The following HECTD4 variants were observed in gnomAD, a reference collection of about 807,000 sequenced individuals.
The protein encoded by HECTD4 is HECT domain E3 ubiquitin protein ligase 4, also known as probable E3 ubiquitin-protein ligase HECTD4.
Under a neutral mutation model 471.5 loss-of-function variants are expected in HECTD4, and 114 were observed. The observed-to-expected ratio is 0.24, with a 90% CI of 0.21 to 0.28. The LOEUF is 0.28. HECTD4 is among the 10% of genes least tolerant of loss of function. HECTD4 has a pLI of 1.00. For synonymous variants in HECTD4, 2,012 were observed against 2,256.0 expected (o/e 0.89, Z 3.07); for missense variants, 3,866 against 5,651.5 (o/e 0.68, Z 10.13).
chr12:112,223,534 C>T (rs2033153956), intron 44 of HECTD4, among the ~76,000 whole-genome samples: 1 of 152,180 alleles, frequency 6.6e-6, no homozygotes, highest in South Asian at 2.1e-4. Flanking sequence ...ATTCTTATGC[C>T]TCAGCCTCCC....
At chr12:112,315,191 C>T (rs544006730) in intron 2 of HECTD4, among the ~76,000 whole-genome samples, 2 of 152,118 alleles carry the variant, frequency 1.3e-5, no homozygotes, top group Non-Finnish European at 2.9e-5. Context: ...TTTTAAGATG[C>T]ACAAGACTTA....
chr12:112,289,973 G>A (rs778572894), intron 7 of HECTD4, among the ~76,000 whole-genome samples: 7 of 151,674 alleles, frequency 4.6e-5, no homozygotes, highest in African/African-American at 1.5e-4. Flanking sequence ...CACCGCACTC[G>A]GCCTATTCTT....
chr12:112,227,057 A>G (rs981431948), intron 43 of HECTD4, among the ~76,000 whole-genome samples: 2 of 152,244 alleles, frequency 1.3e-5, no homozygotes, highest in African/African-American at 2.4e-5. Context: ...GTCTCTTAAA[A>G]GCTTTTCCTA....
At chr12:112,269,143 G>A (rs1227239235) in intron 13 of HECTD4, among the ~76,000 whole-genome samples, 2 of 152,046 alleles carry the variant, frequency 1.3e-5, no homozygotes, top group Non-Finnish European at 2.9e-5. Flanking sequence ...AAAGTGCTGG[G>A]ATTACAGGCG....
At position 112,238,940 on chromosome 12, in the gene HECTD4, A is replaced by T. The variant is rs944669095; in HGVS notation, c.5290+112T>A. ...ATCATCCACTGATTTAACCCATCTG[A>T]TCATGTCATTTAATAGAGGCTTTCT... On this transcript the variant is annotated intron_variant, in intron 34 of 75. Coordinates refer to ENST00000682272, the MANE Select transcript of HECTD4 (RefSeq NM_001388303.1). 6 of 1,042,384 alleles carry T rather than the reference A, an allele frequency of 5.8e-6. No homozygotes were observed. In the African/African-American group the frequency reaches 9.6e-5, roughly 17 times the overall value. 64.6% of individuals were successfully genotyped at this position (1,042,384 alleles called of 1,614,324 possible). A position where few individuals can be genotyped will look rare whatever the true frequency, so the allele number is the denominator to read the frequency against.
Position 112,166,038 on chromosome 12 carries a change from C to CAGAA in HECTD4, c.12534+1278_12534+1279insTTCT, listed in dbSNP as rs1398433299. The CAGAA allele has an allele frequency of 6.6e-6, 1 of 152,412 alleles. No individual in the cohort carries two copies. Among genetic ancestry groups the CAGAA allele is most frequent in the Non-Finnish European group, 1.5e-5 (1 of 68,186 alleles). The allele number at this position is 152,412 out of a possible 1,614,324, so 9.4% of individuals were successfully genotyped here. A position where few individuals can be genotyped will look rare whatever the true frequency, so the allele number is the denominator to read the frequency against. ...ACACCATGTGGTTCTGCATCCCATACCCTCTGGGGCCTTGGCCATCCCTGT... is the reference window on the plus strand; with the variant it reads ...ACACCATGTGGTTCTGCATCCCATACAGAACCTCTGGGGCCTTGGCCATCCCTGT... On this transcript the variant is annotated intron_variant, in intron 72 of 75. Coordinates refer to ENST00000682272, the MANE Select transcript of HECTD4 (RefSeq NM_001388303.1). The surrounding 1 kb of genome is among the most constrained non-coding windows in gnomAD (Gnocchi z 4.6).
In HECTD4 at chr12:112,239,001, C is replaced by G; in HGVS notation, c.5290+51G>C. On this transcript the variant is annotated intron_variant, in intron 34 of 75. Transcript: ENST00000682272. This position sits in a 1 kb window ranked among gnomAD's most constrained non-coding sequence, Gnocchi z 4.9. ...TAGCATAAAAAAACCAATAAACTAACACACCAATAGAAGAAATCAGTGAGC... is the reference window on the plus strand; with the variant it reads ...TAGCATAAAAAAACCAATAAACTAAGACACCAATAGAAGAAATCAGTGAGC... 6.6e-7 allele frequency: 1 copy of G among 1,510,284 alleles called. No homozygotes were observed. Among genetic ancestry groups the G allele is most frequent in the East Asian group, 2.3e-5 (1 of 42,986 alleles). The allele number at this position is 1,510,284 out of a possible 1,614,324, so 93.6% of individuals were successfully genotyped here. A position where few individuals can be genotyped will look rare whatever the true frequency, so the allele number is the denominator to read the frequency against.
At chr12:112,379,017 G>A (rs1031815401) in intron 1 of HECTD4, among the ~76,000 whole-genome samples, 37 of 152,222 alleles carry the variant, frequency 2.4e-4, no homozygotes, top group African/African-American at 8.9e-4. Flanking sequence ...ACTCCAGCCT[G>A]GGCGACAGAG....
chr12:112,298,839 A>G (rs1382855450), intron 7 of HECTD4, among the ~76,000 whole-genome samples: 1 of 149,652 alleles, frequency 6.7e-6, no homozygotes, highest in African/African-American at 2.5e-5. Flanking sequence ...CCGAGATCAC[A>G]CCACTGCACT....
chr12:112,344,425 A>G (rs776047693), intron 1 of HECTD4, among the ~76,000 whole-genome samples: 12 of 152,324 alleles, frequency 7.9e-5, no homozygotes, highest in African/African-American at 1.2e-4. Flanking sequence ...CCGCCACACT[A>G]TAAGAAACTA....
rs2030729446 is a variant in HECTD4 at position 112,162,542 on chromosome 12, G to T, written c.13121-19C>A. 1 of 1,613,846 alleles carries T rather than the reference G, an allele frequency of 6.2e-7. No individual in the cohort carries two copies. The highest frequency in any genetic ancestry group is 1.3e-5 in the African/African-American group (1 of 75,056). On this transcript the variant is annotated intron_variant, in intron 75 of 75. Coordinates refer to ENST00000682272, the MANE Select transcript of HECTD4 (RefSeq NM_001388303.1). This position sits in a 1 kb window ranked among gnomAD's most constrained non-coding sequence, Gnocchi z 5.2. ...GGGGAACCTACAAGAAACCGAGCCAGCATCAGAGGGTTGGGCCCACATCTG... is the reference window on the plus strand; with the variant it reads ...GGGGAACCTACAAGAAACCGAGCCATCATCAGAGGGTTGGGCCCACATCTG...
chr12:112,187,622 C>CTTTT (rs150976845), intron 60 of HECTD4, among the ~76,000 whole-genome samples: 15 of 85,962 alleles, frequency 1.7e-4, no homozygotes, highest in East Asian at 3.8e-4. Flanking sequence ...GTTTCCTTTC[C>CTTTT]TTTTTTTTTT....
intron 1 of HECTD4, among the ~76,000 whole-genome samples, chr12:112,325,176 T>C (rs1331439566): frequency 1.3e-5 from 2 of 152,186 alleles, no homozygotes; most frequent in Non-Finnish European, 2.9e-5. Context: ...TAATATACTC[T>C]GCATTTTTCT....
At chr12:112,172,445 C>T (rs2031261702) in intron 67 of HECTD4, among the ~76,000 whole-genome samples, 1 of 152,256 alleles carries the variant, frequency 6.6e-6, no homozygotes, top group Non-Finnish European at 1.5e-5. Flanking sequence ...TTTGTTGTCA[C>T]TGGCATTAAA....
intron 13 of HECTD4, among the ~76,000 whole-genome samples, chr12:112,268,139 T>C (rs183849081): frequency 6.6e-6 from 1 of 152,312 alleles, no homozygotes; most frequent in Non-Finnish European, 1.5e-5. Flanking sequence ...TCTTTTTTAA[T>C]TGAGGTTTAA....
rs769170208 is a variant in HECTD4 at position 112,204,633 on chromosome 12, A to G, written c.8132-10T>C. Reference sequence around the variant, plus strand: ...GCAATATCCACCATACCTAAAAAATATAACAGCACAGGGTAACTCCCCAAA... The same window carrying G: ...GCAATATCCACCATACCTAAAAAATGTAACAGCACAGGGTAACTCCCCAAA... On this transcript the variant is annotated splice_polypyrimidine_tract_variant and intron_variant, in intron 52 of 75. Coordinates refer to ENST00000682272, the MANE Select transcript of HECTD4 (RefSeq NM_001388303.1). 5.0e-6 allele frequency: 8 copies of G among 1,609,320 alleles called. No homozygotes were observed. Among genetic ancestry groups the G allele is most frequent in the South Asian group, 4.4e-5 (4 of 90,618 alleles).
intron 1 of HECTD4, among the ~76,000 whole-genome samples, chr12:112,323,947 C>CTTCTTTCTTTCTTTCTTCCTTTCT (rs2035639007): frequency 3.0e-5 from 2 of 66,884 alleles, no homozygotes; most frequent in Middle Eastern, 5.2e-3. Context: ...TACTGAGGTG[C>CTTCTTTCTTTCTTTCTTCCTTTCT]TTCTTTCTTT....
chr12:112,358,542 A>T (rs2036387741), intron 1 of HECTD4, among the ~76,000 whole-genome samples: 1 of 152,206 alleles, frequency 6.6e-6, no homozygotes, highest in Non-Finnish European at 1.5e-5. Flanking sequence ...TAAGGTACAA[A>T]TAGCATATAT....
intron 18 of HECTD4, among the ~76,000 whole-genome samples, chr12:112,259,855 C>A (rs1362707357): frequency 6.6e-6 from 1 of 152,104 alleles, no homozygotes; most frequent in Non-Finnish European, 1.5e-5. Flanking sequence ...AACATTGATT[C>A]ACCTGCCCAG....
Sources: allele counts gnomAD v4.1 joint callset (sites outside exome capture counted in the v4.1 genomes callset), GRCh38; gene constraint gnomAD v4.1.1; non-coding constraint Gnocchi (gnomAD v3.1); transcripts MANE v1.5; gene names NCBI Gene and HGNC (gene_info 2026-07-23, HGNC 2026-07-21).